The following SORCS1 variants were observed in gnomAD, a reference collection of about 807,000 sequenced individuals.
SORCS1 encodes the protein sortilin related VPS10 domain containing receptor 1.
In SORCS1, 60 loss-of-function variants were observed where a neutral mutation model predicts 146.1. The observed-to-expected ratio is 0.41, with a 90% CI of 0.33 to 0.51. SORCS1 has a LOEUF of 0.51. Ranked by LOEUF, SORCS1 falls within the 20% of genes least tolerant of loss-of-function variation. The pLI is 0.21. For synonymous variants in SORCS1, 637 were observed against 584.0 expected, an observed-to-expected ratio of 1.09 and a Z score of -1.31; for missense variants, 1,352 against 1,487.6, an observed-to-expected ratio of 0.91 and a Z score of 1.50.
chr10:106,755,584 TTGTGTGTG>T (rs57442916), intron 5 of SORCS1, among the ~76,000 whole-genome samples: 5 of 149,938 alleles, frequency 3.3e-5, no homozygotes, highest in Admixed American at 6.7e-5. Context: ...AACATAATCT[TTGTGTGTG>T]TGTGTGTGTG....
At chr10:106,743,726 G>A (rs963059981) in intron 5 of SORCS1, among the ~76,000 whole-genome samples, 1 of 152,012 alleles carries the variant, frequency 6.6e-6, no homozygotes, top group East Asian at 1.9e-4. Flanking sequence ...CACCCGGCCT[G>A]TATAATTTAT....
intron 1 of SORCS1, among the ~76,000 whole-genome samples, chr10:106,990,613 A>G (rs1270476499): frequency 1.3e-5 from 2 of 152,192 alleles, no homozygotes; most frequent in Non-Finnish European, 2.9e-5. Context: ...TTTTGTCATG[A>G]CGTGTGATAG....
intron 17 of SORCS1, among the ~76,000 whole-genome samples, chr10:106,656,735 G>A (rs755843593): frequency 6.6e-6 from 1 of 151,924 alleles, no homozygotes; most frequent in African/African-American, 2.4e-5. Context: ...TAAGGTGACA[G>A]TAGCTTAGTA....
chr10:107,167,258 A>T (rs190985946), upstream of SORCS1, among the ~76,000 whole-genome samples: 637 of 152,324 alleles, frequency 4.2e-3, 6 homozygotes, highest in Middle Eastern at 6.8e-3. Context: ...TTCCTAAATT[A>T]TTCCCCTTAT....
rs139851765 is a variant in SORCS1, at chr10:106,733,000, C to T, written c.960-2886G>A. 6.6e-5 allele frequency among the ~76,000 whole-genome samples: 10 copies of T among 151,544 alleles called. No homozygotes were observed. The East Asian group carries it at 1.2e-3, about 18-fold the overall frequency. Reference sequence around the variant, plus strand: ...TGGGTGTGGTGGTGTGTACCTGTTTCGGGAGGCTGAGTCAGGAAAATCCCT... The same window carrying T: ...TGGGTGTGGTGGTGTGTACCTGTTTTGGGAGGCTGAGTCAGGAAAATCCCT... On this transcript the variant is annotated intron_variant, in intron 5 of 25. Coordinates refer to ENST00000263054, the MANE Select transcript of SORCS1 (RefSeq NM_052918.5).
intron 1 of SORCS1, among the ~76,000 whole-genome samples, chr10:107,129,686 C>A (rs1223788542): frequency 2.4e-4 from 36 of 152,216 alleles, no homozygotes; most frequent in Admixed American, 2.4e-3. Context: ...TCGAAACAAA[C>A]CTCTTCAAAG....
chr10:106,906,115 T>C (rs1216267000), intron 2 of SORCS1, among the ~76,000 whole-genome samples: 1 of 151,690 alleles, frequency 6.6e-6, no homozygotes, highest in Non-Finnish European at 1.5e-5. Flanking sequence ...GAAAAAGAGG[T>C]TTTTGTTTGT....
chr10:107,032,058 C>T (rs74944812), intron 1 of SORCS1, among the ~76,000 whole-genome samples: 1 of 152,058 alleles, frequency 6.6e-6, no homozygotes. Flanking sequence ...GCATTTGCAA[C>T]CTTTTGATAG....
At chr10:107,159,595 C>A (rs1337432) in intron 1 of SORCS1, among the ~76,000 whole-genome samples, 52,350 of 151,802 alleles carry the variant, frequency 0.34, 11,679 homozygotes, top group Middle Eastern at 0.51. Context: ...ATATACTATC[C>A]CCATATTTTA....
intron 6 of SORCS1, among the ~76,000 whole-genome samples, chr10:106,721,245 A>G (rs1000584562): frequency 2.0e-5 from 3 of 152,122 alleles, no homozygotes; most frequent in Non-Finnish European, 4.4e-5. Context: ...ACCTCTTCCA[A>G]GGTCTACCTT....
intron 1 of SORCS1, among the ~76,000 whole-genome samples, chr10:106,988,638 A>T (rs1443750531): frequency 6.6e-6 from 1 of 152,054 alleles, no homozygotes; most frequent in African/African-American, 2.4e-5. Flanking sequence ...AGAATTATAC[A>T]CTCGCAGGAT....
chr10:106,855,547 A>G (rs1014222753), intron 2 of SORCS1, among the ~76,000 whole-genome samples: 8 of 151,886 alleles, frequency 5.3e-5, no homozygotes, highest in Non-Finnish European at 1.0e-4. Context: ...TAGTTGCCCC[A>G]CAGTTCTTGC....
intron 17 of SORCS1, among the ~76,000 whole-genome samples, chr10:106,663,181 T>A (rs1850867103): frequency 6.6e-6 from 1 of 152,232 alleles, no homozygotes; most frequent in African/African-American, 2.4e-5. Flanking sequence ...TAATACTTAA[T>A]ACTATGAAAT....
intron 2 of SORCS1, among the ~76,000 whole-genome samples, chr10:106,927,349 G>A (rs944908496): frequency 6.6e-6 from 1 of 152,010 alleles, no homozygotes; most frequent in African/African-American, 2.4e-5. Flanking sequence ...TTAAGGCGGC[G>A]CGTCTGGAGT....
chr10:107,016,971 T>C (rs888373225), intron 1 of SORCS1, among the ~76,000 whole-genome samples: 3 of 152,208 alleles, frequency 2.0e-5, no homozygotes, highest in Non-Finnish European at 4.4e-5. Context: ...ATTCTGTACA[T>C]ACTAATTAGA....
chr10:106,984,594 C>T (rs1589851473), intron 1 of SORCS1, among the ~76,000 whole-genome samples: 1 of 151,646 alleles, frequency 6.6e-6, no homozygotes, highest in Admixed American at 6.6e-5. Context: ...GGGGTTTCAC[C>T]GTGTTAGCCA....
chr10:106,828,555 A>G (rs1282264125), intron 3 of SORCS1, among the ~76,000 whole-genome samples: 1 of 152,206 alleles, frequency 6.6e-6, no homozygotes, highest in Non-Finnish European at 1.5e-5. Flanking sequence ...GAAAAATCTG[A>G]GATGAGAACA....
At chr10:107,074,510 T>C (rs1417202609) in intron 1 of SORCS1, among the ~76,000 whole-genome samples, 1 of 152,202 alleles carries the variant, frequency 6.6e-6, no homozygotes, top group East Asian at 1.9e-4. Flanking sequence ...TAAACAGTGG[T>C]GTACAAGTTT....
At chr10:106,719,526 C>G (rs1855632113) in intron 6 of SORCS1, among the ~76,000 whole-genome samples, 1 of 151,904 alleles carries the variant, frequency 6.6e-6, no homozygotes, top group South Asian at 2.1e-4. Flanking sequence ...GATTCTCCTG[C>G]CTCAGCCTCC....
Sources: allele counts gnomAD v4.1 joint callset (sites outside exome capture counted in the v4.1 genomes callset), GRCh38; gene constraint gnomAD v4.1.1; transcripts MANE v1.5; gene names NCBI Gene and HGNC (gene_info 2026-07-23, HGNC 2026-07-21).